Variants in SNX8 observed in about 807,000 individuals in gnomAD.
SNX8 encodes the protein sorting nexin 8.
SNX8 carries 25 observed loss-of-function variants against 51.6 expected under a neutral mutation model. The observed-to-expected ratio is 0.48, with a 90% CI of 0.35 to 0.68. The LOEUF is 0.68. Ranked by LOEUF, SNX8 falls within the 30% of genes least tolerant of loss-of-function variation. The pLI is 0.00. For synonymous variants in SNX8, 324 were observed against 277.0 expected (o/e 1.17, Z -1.68); for missense variants, 695 against 624.0 (o/e 1.11, Z -1.21).
At chr7:2,294,927 A>G (rs987421400) in intron 1 of SNX8, among the ~76,000 whole-genome samples, 3 of 152,082 alleles carry the variant, frequency 2.0e-5, no homozygotes, top group African/African-American at 7.2e-5. Context: ...CTACTTGGGA[A>G]GCTGAGGTAG....
intron 1 of SNX8, among the ~76,000 whole-genome samples, chr7:2,290,050 G>A (rs1252402211): frequency 2.0e-5 from 3 of 152,106 alleles, no homozygotes; most frequent in South Asian, 2.1e-4. Context: ...AAAATTAGCC[G>A]GGCGTGGTGG....
At chr7:2,338,526 G>A (rs1268684781) in intron 1 of SNX8, among the ~76,000 whole-genome samples, 4 of 151,402 alleles carry the variant, frequency 2.6e-5, no homozygotes, top group Non-Finnish European at 5.9e-5. Context: ...TCCCAGCTGT[G>A]CGGAGACTGA....
At chr7:2,311,864 G>C (rs990928564) in intron 1 of SNX8, among the ~76,000 whole-genome samples, 1 of 151,132 alleles carries the variant, frequency 6.6e-6, no homozygotes, top group Non-Finnish European at 1.5e-5. Flanking sequence ...ATGAACCCGG[G>C]AGGCAGAGCT....
Position 2,256,858 on chromosome 7 carries a change from A to G in SNX8, c.1284+16T>C, listed in dbSNP as rs2302070. 0.93 allele frequency: 1,498,778 copies of G among 1,604,230 alleles called. 703,111 individuals are homozygous for G. The highest frequency in any genetic ancestry group is 0.96 in the Non-Finnish European group (1,127,953 of 1,174,416). ...AGGCCGTGGCCGAGACGGCGGCCGG[A>G]GCAGGGCGGACTCACCTCCTTGTGC... On this transcript the variant is annotated intron_variant, in intron 10 of 10. Coordinates refer to ENST00000222990, the MANE Select transcript of SNX8 (RefSeq NM_013321.4).
chr7:2,262,039 C>T (rs563853157), intron 7 of SNX8, among the ~76,000 whole-genome samples: 12 of 152,200 alleles, frequency 7.9e-5, no homozygotes, highest in Non-Finnish European at 1.6e-4. Context: ...CAACTATGTC[C>T]ACTTTTTTTT....
chr7:2,328,282 C>A (rs1227501150), intron 1 of SNX8, among the ~76,000 whole-genome samples: 1 of 152,040 alleles, frequency 6.6e-6, no homozygotes, highest in African/African-American at 2.4e-5. Context: ...GTCTCAAACT[C>A]CTGACTTCAA....
At chr7:2,341,166 T>TAA (rs879782823) in intron 1 of SNX8, among the ~76,000 whole-genome samples, 3 of 122,952 alleles carry the variant, frequency 2.4e-5, no homozygotes, top group East Asian at 2.2e-4. Flanking sequence ...GATCTTCTCT[T>TAA]AAAAAAAAAA....
chr7:2,267,925 G>A (rs1474054789), intron 5 of SNX8, among the ~76,000 whole-genome samples: 16 of 111,830 alleles, frequency 1.4e-4, no homozygotes, highest in Non-Finnish European at 2.2e-4. Flanking sequence ...CTGCCCGGCC[G>A]CCCATAGTCT....
At chr7:2,306,962 A>G (rs1165947773) in intron 1 of SNX8, among the ~76,000 whole-genome samples, 1 of 140,028 alleles carries the variant, frequency 7.1e-6, no homozygotes, top group Non-Finnish European at 1.6e-5. Flanking sequence ...CGGCCCCTAC[A>G]GTACTTCCTG....
upstream of SNX8, chr7:2,314,489 C>T (rs1796722737): frequency 8.6e-7 from 1 of 1,169,446 alleles, no homozygotes; most frequent in South Asian, 4.2e-5. Flanking sequence ...GCGCCGCGCC[C>T]TCGCCCCGCC....
chr7:2,341,250 G>T, intron 1 of SNX8, among the ~76,000 whole-genome samples: 1 of 152,134 alleles, frequency 6.6e-6, no homozygotes, highest in East Asian at 1.9e-4. Flanking sequence ...CAGGTGCAGT[G>T]GCTCACATGA....
At chr7:2,272,667 C>T (rs930942229) in intron 3 of SNX8, among the ~76,000 whole-genome samples, 1 of 151,962 alleles carries the variant, frequency 6.6e-6, no homozygotes, top group Non-Finnish European at 1.5e-5. Flanking sequence ...TAAGCCACCG[C>T]GCCCGGCCGA....
intron 3 of SNX8, among the ~76,000 whole-genome samples, chr7:2,272,716 G>C (rs1043438537): frequency 2.6e-5 from 4 of 152,080 alleles, no homozygotes; most frequent in African/African-American, 4.8e-5. Context: ...ACTCTGCAAA[G>C]GATGCAATTA....
At chr7:2,269,340 C>A (rs1175362963) in intron 5 of SNX8, among the ~76,000 whole-genome samples, 1 of 150,100 alleles carries the variant, frequency 6.7e-6, no homozygotes, top group East Asian at 1.9e-4. Flanking sequence ...GTCATCACCA[C>A]TCCCTAATCT....
At position 2,278,208 on chromosome 7, in the gene SNX8, C is replaced by A; in HGVS notation, c.192G>T (p.Leu64=). ...MQMPQGNPLL[L]SHTLQELLAR... is the part of the protein sequence containing the mutation. ...CCAGCAGCTCCTGCAGGGTGTGGGACAGCAGCAGCGGGTTCCCCTGCGGCA... is the reference window on the plus strand; with the variant it reads ...CCAGCAGCTCCTGCAGGGTGTGGGAAAGCAGCAGCGGGTTCCCCTGCGGCA... Residue 64 remains leucine, a synonymous_variant, in exon 2 of 11, where the codon CTG becomes CTT. Coordinates refer to ENST00000222990, the MANE Select transcript of SNX8 (RefSeq NM_013321.4). 1 of 1,613,602 alleles carries A rather than the reference C, an allele frequency of 6.2e-7. No individual in the cohort carries two copies. The highest frequency in any genetic ancestry group is 8.5e-7 in the Non-Finnish European group (1 of 1,179,738).
intron 1 of SNX8, among the ~76,000 whole-genome samples, chr7:2,306,197 A>C (rs1796541653): frequency 6.6e-6 from 1 of 151,952 alleles, no homozygotes; most frequent in Non-Finnish European, 1.5e-5. Context: ...GCTGGAGTGC[A>C]GTGGCGCGAT....
At chr7:2,272,254 C>A (rs1029264692) in intron 3 of SNX8, among the ~76,000 whole-genome samples, 1 of 152,200 alleles carries the variant, frequency 6.6e-6, no homozygotes, top group East Asian at 1.9e-4. Context: ...CTGGGAACCA[C>A]GTGAGTGGTC....
Position 2,332,111 on chromosome 7 carries a change from G to A in SNX8, c.-66+22111C>T, listed in dbSNP as rs373327833. The stretch of plus-strand genomic sequence containing the variant: ...AGTTCCAGCTAGTTGGCAGGCTGAG[G>A]TGGGAGGATCGCTTGAGCCTCGGAA... On this transcript the variant is annotated intron_variant, in intron 1 of 5. Transcript: ENST00000435336. Among the ~76,000 whole-genome samples, 96 of 151,828 alleles carry A rather than the reference G, an allele frequency of 6.3e-4. 2 individuals carry two copies. In the South Asian group the frequency reaches 8.1e-3, roughly 13 times the overall value.
chr7:2,256,814 A>G lies in SNX8; in HGVS notation c.1284+60T>C. On this transcript the variant is annotated intron_variant, in intron 10 of 10. Transcript: ENST00000222990. ...CCACCGCGCTGCCGGGCTTGAAGGAAGGGCGGAGGGACAAAGAAAGGCCGT... is the reference window on the plus strand; with the variant it reads ...CCACCGCGCTGCCGGGCTTGAAGGAGGGGCGGAGGGACAAAGAAAGGCCGT... The G allele has an allele frequency of 1.9e-6, 3 of 1,542,748 alleles. No individual in the cohort carries two copies. The South Asian group carries it at 3.6e-5, about 19-fold the overall frequency.
Sources: gnomAD v4.1 joint callset for allele counts (sites outside exome capture counted in the v4.1 genomes callset) on GRCh38, gnomAD v4.1.1 for gene constraint, MANE v1.5 for transcripts, NCBI Gene and HGNC (gene_info 2026-07-23, HGNC 2026-07-21) for gene names.